Variants in LTV1 observed in about 807,000 individuals in gnomAD.
LTV1 encodes the protein protein LTV1 homolog.
In LTV1, 39 loss-of-function variants were observed where a neutral mutation model predicts 59.9. That is an observed-to-expected ratio of 0.65 (90% confidence interval 0.50 to 0.85). LTV1 has a LOEUF of 0.85. Ranked by LOEUF, LTV1 falls within the 40% of genes least tolerant of loss-of-function variation. The pLI, the probability that LTV1 is intolerant of heterozygous loss-of-function variation, is 0.00. For missense variants in LTV1, 493 were observed against 549.1 expected, an observed-to-expected ratio of 0.90 and a Z score of 1.02; for synonymous variants, 171 against 189.5, an observed-to-expected ratio of 0.90 and a Z score of 0.80.
intron 6 of LTV1, among the ~76,000 whole-genome samples, chr6:143,859,390 A>G (rs891053797): frequency 1.3e-5 from 2 of 152,142 alleles, no homozygotes; most frequent in Non-Finnish European, 2.9e-5. Flanking sequence ...TTATATATAG[A>G]TTTGTCTCAG....
intron 3 of LTV1, among the ~76,000 whole-genome samples, chr6:143,848,464 C>A (rs563507205): frequency 6.6e-6 from 1 of 152,190 alleles, no homozygotes; most frequent in Non-Finnish European, 1.5e-5. Context: ...TGTGTGTACA[C>A]TGCCATATGT....
rs1213273388 is a variant in LTV1 at position 143,862,718 on chromosome 6, G to C, written c.1064-126G>C. ...AGTTGTAAGCAATTTATAAAACATT[G>C]ATCAGAGACTCCAGTGTTATTTTGC... On this transcript the variant is annotated intron_variant, in intron 8 of 10. Transcript: ENST00000367576. This position sits in a 1 kb window ranked among gnomAD's most constrained non-coding sequence, Gnocchi z 4.2. The C allele has an allele frequency of 1.5e-6, 1 of 659,590 alleles. No individual in the cohort carries two copies. The highest frequency in any genetic ancestry group is 1.8e-5 in the African/African-American group (1 of 55,272). 40.9% of individuals were successfully genotyped at this position (659,590 alleles called of 1,614,324 possible).
Position 143,846,059 on chromosome 6 carries a change from T to C in LTV1, c.144T>C (p.Asn48=). The C allele has an allele frequency of 6.2e-7, 1 of 1,612,542 alleles. No homozygotes were observed. Among genetic ancestry groups the C allele is most frequent in the Non-Finnish European group, 8.5e-7 (1 of 1,179,586 alleles). ...RVLLPTQKID[N]EERRAEQRKY... ...TTCCATTTCGTTTATAGATAGACAA[T>C]GAAGAAAGGCGAGCAGAACAGAGGA... The change falls in exon 3 of 11, where the codon AAT becomes AAC. Residue 48 remains asparagine (N), a synonymous_variant. Transcript: ENST00000367576.
At position 143,857,723 on chromosome 6, in the gene LTV1, T is replaced by C. The variant is rs1218867589; in HGVS notation, c.540-29T>C. On this transcript the variant is annotated intron_variant, in intron 5 of 10. Coordinates refer to ENST00000367576, the MANE Select transcript of LTV1 (RefSeq NM_032860.5). The surrounding 1 kb of genome is among the most constrained non-coding windows in gnomAD (Gnocchi z 5.2). ...TGTTCTGTTACTTTTTAAGTTGTTT[T>C]GGTAGGTAATTTATGACCTTTACTT... 4 of 1,611,416 alleles carry C rather than the reference T, an allele frequency of 2.5e-6. No homozygotes were observed. In the South Asian group the frequency reaches 4.4e-5, roughly 18 times the overall value.
Position 143,855,544 on chromosome 6 carries a change from G to T in LTV1, c.398-1759G>T, listed in dbSNP as rs561614490. Among the ~76,000 whole-genome samples, 1 of 152,282 alleles carries T rather than the reference G, an allele frequency of 6.6e-6. No individual in the cohort carries two copies. The highest frequency in any genetic ancestry group is 1.9e-4 in the East Asian group (1 of 5,188). On this transcript the variant is annotated intron_variant, in intron 4 of 10. Transcript: ENST00000367576. This position sits in a 1 kb window ranked among gnomAD's most constrained non-coding sequence, Gnocchi z 4.6. Reference sequence around the variant, plus strand: ...ATGCAGTTTCTTCTTAGTATCGATGGTCTTTACTGTTTGGTACGTTTTGCA... The same window carrying T: ...ATGCAGTTTCTTCTTAGTATCGATGTTCTTTACTGTTTGGTACGTTTTGCA...
Position 143,857,885 on chromosome 6 carries a change from G to C in LTV1, c.673G>C (p.Ala225Pro). The C allele has an allele frequency of 6.2e-7, 1 of 1,614,146 alleles. No individual in the cohort carries two copies. The highest frequency in any genetic ancestry group is 1.1e-5 in the South Asian group (1 of 91,082). ...GTCTGTGCCCGGAAAAACTCACAGA[G>C]CTATAGCAGATCACTTGTTCTGGAG... is the stretch of plus-strand genomic sequence containing the variant. ...CMSVPGKTHR[A>P]IADHLFWSEE... The change falls in exon 6 of 11, where the codon GCT becomes CCT. Residue 225 changes from alanine to proline, a missense_variant. By Grantham distance (27) the Ala-to-Pro change is conservative. Coordinates refer to ENST00000367576, the MANE Select transcript of LTV1 (RefSeq NM_032860.5). This position sits in a 1 kb window ranked among gnomAD's most constrained non-coding sequence, Gnocchi z 5.2.
chr6:143,862,279 T>C lies in LTV1; in HGVS notation c.1063+36T>C. 1 of 1,584,804 alleles carries C rather than the reference T, an allele frequency of 6.3e-7. No homozygotes were observed. Among genetic ancestry groups the C allele is most frequent in the Non-Finnish European group, 8.6e-7 (1 of 1,156,758 alleles). ...TCACTTTATGATAGTAATTTTAAAGTATTAAAGTATATCAACTTTAGGCTG... is the reference window on the plus strand; with the variant it reads ...TCACTTTATGATAGTAATTTTAAAGCATTAAAGTATATCAACTTTAGGCTG... On this transcript the variant is annotated intron_variant, in intron 8 of 10. Transcript: ENST00000367576. The surrounding 1 kb of genome is among the most constrained non-coding windows in gnomAD (Gnocchi z 4.2).
In LTV1 at chr6:143,843,487, A is replaced by G; in HGVS notation, c.3+7A>G. 1 of 1,613,540 alleles carries G rather than the reference A, an allele frequency of 6.2e-7. No homozygotes were observed. The highest frequency in any genetic ancestry group is 2.2e-5 in the East Asian group (1 of 44,854). On this transcript the variant is annotated splice_region_variant and intron_variant, in intron 1 of 10. Coordinates refer to ENST00000367576, the MANE Select transcript of LTV1 (RefSeq NM_032860.5). ...GCCGCGCGGCTGCAGCATGGTGAGCAAGCCTTGCTTGTTTCGGCGGCCGAG... is the reference window on the plus strand; with the variant it reads ...GCCGCGCGGCTGCAGCATGGTGAGCGAGCCTTGCTTGTTTCGGCGGCCGAG...
At chr6:143,851,902 C>A (rs961688915) in intron 4 of LTV1, among the ~76,000 whole-genome samples, 2 of 152,146 alleles carry the variant, frequency 1.3e-5, no homozygotes, top group African/African-American at 4.8e-5. Flanking sequence ...AGGACATGAA[C>A]GTGTCCTTTT....
intron 6 of LTV1, chr6:143,858,767 G>A (rs1582941897): frequency 1.3e-5 from 2 of 152,562 alleles, no homozygotes; most frequent in Admixed American, 1.3e-4. Flanking sequence ...TAGATGTTAG[G>A]CGCCTTGCTG....
intron 6 of LTV1, 142 bp from the exon 7 acceptor site, chr6:143,860,284 C>A (rs552968183): frequency 1.6e-6 from 1 of 637,272 alleles, no homozygotes; most frequent in East Asian, 2.8e-5. Context: ...CATTAAATCC[C>A]TACTGATATT....
In LTV1 at chr6:143,863,472, G is replaced by A. The variant is rs756026180; in HGVS notation, c.1373G>A (p.Arg458Lys). 2 of 1,613,824 alleles carry A rather than the reference G, an allele frequency of 1.2e-6. No individual in the cohort carries two copies. Among genetic ancestry groups the A allele is most frequent in the South Asian group, 2.2e-5 (2 of 91,064 alleles). The stretch of plus-strand genomic sequence containing the variant: ...TTAGCATTTAAACTGGAGAAAAGAA[G>A]GCAAGAAAAAGAGCTGCTGAACTTG... ...NKLAFKLEKR[R>K]QEKELLNLKK... The change falls in exon 11 of 11, where the codon AGG (arginine) becomes AAG (lysine). Residue 458 changes from arginine to lysine, a missense_variant. Arg to Lys is a conservative substitution (Grantham distance 26). Coordinates refer to ENST00000367576, the MANE Select transcript of LTV1 (RefSeq NM_032860.5). The surrounding 1 kb of genome is among the most constrained non-coding windows in gnomAD (Gnocchi z 4.5).
chr6:143,862,854 A>T lies in LTV1; in HGVS notation c.1074A>T (p.Ser358=). Residue 358 remains serine (S), a synonymous_variant, in exon 9 of 11, where the codon TCA becomes TCT. Coordinates refer to ENST00000367576, the MANE Select transcript of LTV1 (RefSeq NM_032860.5). This position sits in a 1 kb window ranked among gnomAD's most constrained non-coding sequence, Gnocchi z 4.2. ...TATTTGTTTGTTTAGGTACATACTC[A>T]AATTTATATAACCATCCACAGCTTA... ...WDCESICSTY[S]NLYNHPQLIK... The T allele has an allele frequency of 1.3e-6, 2 of 1,584,386 alleles. No individual in the cohort carries two copies. The highest frequency in any genetic ancestry group is 1.7e-6 in the Non-Finnish European group (2 of 1,153,144).
Position 143,863,320 on chromosome 6 carries a change from A to G in LTV1, c.1317+34A>G. 1 of 1,607,630 alleles carries G rather than the reference A, an allele frequency of 6.2e-7. No homozygotes were observed. The highest frequency in any genetic ancestry group is 8.5e-7 in the Non-Finnish European group (1 of 1,175,802). On this transcript the variant is annotated intron_variant, in intron 10 of 10. Coordinates refer to ENST00000367576, the MANE Select transcript of LTV1 (RefSeq NM_032860.5). The surrounding 1 kb of genome is among the most constrained non-coding windows in gnomAD (Gnocchi z 4.5). ...TATTTTTCAAATGTGAGATTTACAA[A>G]GAGCTGGTGGAGGGGAAATTAGGGG...
chr6:143,843,586 A>C (rs1329508021), intron 1 of LTV1, 106 bp downstream of exon 1: 1 of 1,451,508 alleles, frequency 6.9e-7, no homozygotes, highest in Non-Finnish European at 9.5e-7. Context: ...GGGTCATGCC[A>C]GAGGCTGCTT....
At position 143,855,756 on chromosome 6, in the gene LTV1, T is replaced by C. The variant is rs1243156852; in HGVS notation, c.398-1547T>C. 1.3e-5 allele frequency among the ~76,000 whole-genome samples: 2 copies of C among 152,216 alleles called. No homozygotes were observed. The highest frequency in any genetic ancestry group is 4.8e-5 in the African/African-American group (2 of 41,442). On this transcript the variant is annotated intron_variant, in intron 4 of 10. Coordinates refer to ENST00000367576, the MANE Select transcript of LTV1 (RefSeq NM_032860.5). The surrounding 1 kb of genome is among the most constrained non-coding windows in gnomAD (Gnocchi z 4.6). ...AGTTGAAAATTCTTTACTTTAAGGA[T>C]GTTGAGTATTGGCCCCCACTTTCTT...
chr6:143,862,200 C>T lies in LTV1; in HGVS notation c.1020C>T (p.Val340=). ...AGGAGGAAGAAATGATTACTGTAGTCCTTGAAGAAGCCAAAGAGAAGTGGG... is the reference window on the plus strand; with the variant it reads ...AGGAGGAAGAAATGATTACTGTAGTTCTTGAAGAAGCCAAAGAGAAGTGGG... The part of the protein sequence containing the change: ...ESEEEEMITV[V]LEEAKEKWDC... The change falls in exon 8 of 11, where the codon GTC becomes GTT. Residue 340 remains valine (V), a synonymous_variant. Transcript: ENST00000367576. This position sits in a 1 kb window ranked among gnomAD's most constrained non-coding sequence, Gnocchi z 4.2. 1 of 1,613,554 alleles carries T rather than the reference C, an allele frequency of 6.2e-7. No individual in the cohort carries two copies. The highest frequency in any genetic ancestry group is 1.1e-5 in the South Asian group (1 of 91,068).
At chr6:143,860,587 C>A in intron 7 of LTV1, 34 bp downstream of exon 7, 1 of 1,541,122 alleles carries the variant, frequency 6.5e-7, no homozygotes, top group South Asian at 1.3e-5. Flanking sequence ...TTTAGCTGTT[C>A]TTTTTTTTAA....
At position 143,860,480 on chromosome 6, in the gene LTV1, G is replaced by T. The variant is rs199841480; in HGVS notation, c.850G>T (p.Glu284Ter). 6.2e-7 allele frequency: 1 copy of T among 1,613,610 alleles called. No individual in the cohort carries two copies. The highest frequency in any genetic ancestry group is 2.2e-5 in the East Asian group (1 of 44,786). ...TGGAGCTCTGGATAATGCAGAATTG[G>T]AAGGTTCTATTCAAGTGGACAGCAA... ...EIGALDNAEL[E>*]GSIQVDSNRL... is the part of the protein sequence containing the mutation. Residue 284 changes from glutamate (E) to a stop codon, truncating the protein, a stop_gained, in exon 7 of 11, where the codon GAA becomes TAA. Transcript: ENST00000367576. LOFTEE classifies it high-confidence loss of function.
Sources: allele counts gnomAD v4.1 joint callset (sites outside exome capture counted in the v4.1 genomes callset), GRCh38; gene constraint gnomAD v4.1.1; non-coding constraint Gnocchi (gnomAD v3.1); transcripts MANE v1.5; gene names NCBI Gene and HGNC (gene_info 2026-07-23, HGNC 2026-07-21).